YIPF2: variants seen among roughly 807,000 people sequenced by gnomAD.
YIPF2 encodes the protein protein YIPF2.
In YIPF2, 30 loss-of-function variants were observed where a neutral mutation model predicts 38.8. That is an observed-to-expected ratio of 0.77 (90% CI 0.58 to 1.05). The LOEUF (loss-of-function observed/expected upper bound fraction) is 1.05, where lower values mean the gene tolerates loss of function less well. YIPF2 is among the 50% of genes least tolerant of loss of function. The pLI is 0.00. For synonymous variants in YIPF2, 194 were observed against 183.8 expected (o/e 1.06, Z -0.45); for missense variants, 401 against 409.7 (o/e 0.98, Z 0.18).
At chr19:10,928,212 G>A (rs564091963) in intron 2 of YIPF2, among the ~76,000 whole-genome samples, 168 bp downstream of exon 2, 18 of 150,120 alleles carry the variant, frequency 1.2e-4, no homozygotes, top group African/African-American at 3.9e-4. Flanking sequence ...CGGGTTTGAG[G>A]TCTGAGTTCA....
At position 10,922,927 on chromosome 19, in the gene YIPF2, C is replaced by T. The variant is rs1448436394; in HGVS notation, c.*267G>A. 1.0e-5 allele frequency: 2 copies of T among 194,884 alleles called. No homozygotes were observed. The highest frequency in any genetic ancestry group is 4.8e-5 in the African/African-American group (2 of 41,900). 12.1% of individuals were successfully genotyped at this position (194,884 alleles called of 1,614,324 possible). A position where few individuals can be genotyped will look rare whatever the true frequency, so the allele number is the denominator to read the frequency against. On this transcript the variant is annotated 3_prime_UTR_variant, in exon 10 of 10. Coordinates refer to ENST00000586748, the MANE Select transcript of YIPF2 (RefSeq NM_001321439.2). ...GCTCTCCCTCCTGTTCCAGGGGAGC[C>T]ATAGGAGGGAAAGCAGGTGGCCCGG...
Position 10,927,726 on chromosome 19 carries a change from G to T in YIPF2, c.193-10C>A. On this transcript the variant is annotated splice_polypyrimidine_tract_variant and intron_variant, in intron 3 of 9. Coordinates refer to ENST00000586748, the MANE Select transcript of YIPF2 (RefSeq NM_001321439.2). ...GCTGCTCCTGCAGGAGCTGCACATT[G>T]CGGGCATTCAGTGCCTGCCCGGAGA... 1 of 1,613,094 alleles carries T rather than the reference G, an allele frequency of 6.2e-7. No individual in the cohort carries two copies. The highest frequency in any genetic ancestry group is 8.5e-7 in the Non-Finnish European group (1 of 1,179,958).
In YIPF2 at chr19:10,928,516, G is replaced by C; in HGVS notation, c.-36C>G. 1 of 1,296,514 alleles carries C rather than the reference G, an allele frequency of 7.7e-7. No individual in the cohort carries two copies. The highest frequency in any genetic ancestry group is 9.9e-7 in the Non-Finnish European group (1 of 1,005,332). The allele number at this position is 1,296,514 out of a possible 1,614,324, so 80.3% of individuals were successfully genotyped here. On this transcript the variant is annotated 5_prime_UTR_variant, in exon 1 of 10. Coordinates refer to ENST00000586748, the MANE Select transcript of YIPF2 (RefSeq NM_001321439.2). ...CCCTCGGCCCCCAGCCCTACCTGGC[G>C]ACCAACTGCACCCACGGAGGCTTGA...
rs2083461591 is a variant in YIPF2, at chr19:10,928,475, C to G, written c.-30-35G>C. The G allele has an allele frequency of 2.9e-6, 4 of 1,358,528 alleles. No homozygotes were observed. The East Asian group carries it at 1.2e-4, about 42-fold the overall frequency. 84.2% of individuals were successfully genotyped at this position (1,358,528 alleles called of 1,614,324 possible). On this transcript the variant is annotated intron_variant, in intron 1 of 9. Transcript: ENST00000586748. The stretch of plus-strand genomic sequence containing the variant: ...GAGACCGGTCAGGCACACTTCCCCC[C>G]CGCCCCCGAGCCGGTCCCTCGGCCC...
Position 10,923,314 on chromosome 19 carries a change from G to A in YIPF2, c.928C>T (p.Pro310Ser). Reference protein sequence around the residue: ...PSNIALSPTLPQSLAPS With the variant: ...PSNIALSPTLSQSLAPS ...TCCTAGGAGGGGGCCAGGGACTGCGGCAAGGTAGGGGACAGCGCGATGTTT... is the reference window on the plus strand; with the variant it reads ...TCCTAGGAGGGGGCCAGGGACTGCGACAAGGTAGGGGACAGCGCGATGTTT... Residue 310 changes from proline to serine, a missense_variant, in exon 9 of 10, where the codon CCG (proline) becomes TCG (serine). Coordinates refer to ENST00000586748, the MANE Select transcript of YIPF2 (RefSeq NM_001321439.2). 1.2e-6 allele frequency: 2 copies of A among 1,611,864 alleles called. No individual in the cohort carries two copies. Among genetic ancestry groups the A allele is most frequent in the Non-Finnish European group, 1.7e-6 (2 of 1,179,134 alleles).
In YIPF2 at chr19:10,928,547, T is replaced by TC; in HGVS notation, c.-68dup. ...CTGCACCCACGGAGGCTTGAACTCG[T>TC]CGTCCCGTCCCCACAGGTGCGCTCC... On this transcript the variant is annotated 5_prime_UTR_variant, in exon 1 of 10. Transcript: ENST00000586748. 13 of 1,194,178 alleles carry TC rather than the reference T, an allele frequency of 1.1e-5. No individual in the cohort carries two copies. The South Asian group carries it at 2.6e-4, about 24-fold the overall frequency. 74.0% of individuals were successfully genotyped at this position (1,194,178 alleles called of 1,614,324 possible).
At chr19:10,925,409 C>T (rs1398883567) in intron 5 of YIPF2, among the ~76,000 whole-genome samples, 1 of 152,010 alleles carries the variant, frequency 6.6e-6, no homozygotes, top group Non-Finnish European at 1.5e-5. Context: ...CTAGGTCTCC[C>T]CCACCCCTCC....
At chr19:10,925,865 CT>C in intron 4 of YIPF2, 92 bp from the exon 5 acceptor site, 1 of 1,092,530 alleles carries the variant, frequency 9.2e-7, no homozygotes. Flanking sequence ...CCACCCTTCT[CT>C]TTCCATGCCC....
chr19:10,927,611 C>T lies in YIPF2; in HGVS notation c.279+19G>A. On this transcript the variant is annotated intron_variant, in intron 4 of 9. Transcript: ENST00000586748. The stretch of plus-strand genomic sequence containing the variant: ...GAGCATAACTCTGAGCCCCATCCCA[C>T]CTGCCTCCCCAGCCTGACCTGTGAG... The T allele has an allele frequency of 6.2e-7, 1 of 1,612,464 alleles. No individual in the cohort carries two copies.
intron 5 of YIPF2, among the ~76,000 whole-genome samples, chr19:10,924,605 C>T (rs1429720160): frequency 1.3e-5 from 2 of 152,130 alleles, no homozygotes; most frequent in East Asian, 1.9e-4. Flanking sequence ...CTGCAGGCTC[C>T]AGTTCAAGCT....
intron 4 of YIPF2, 122 bp from the exon 5 acceptor site, chr19:10,925,895 C>T (rs1319289187): frequency 2.6e-6 from 2 of 766,244 alleles, no homozygotes; most frequent in Non-Finnish European, 4.0e-6. Flanking sequence ...AGAACTCAGC[C>T]TTTCCCTCTC....
intron 4 of YIPF2, among the ~76,000 whole-genome samples, chr19:10,926,372 G>A (rs1468528895): frequency 2.6e-5 from 4 of 151,622 alleles, no homozygotes; most frequent in Non-Finnish European, 4.4e-5. Context: ...GACTACAGGC[G>A]CCCACCACCA....
In YIPF2 at chr19:10,927,926, G is replaced by T; in HGVS notation, c.65C>A (p.Thr22Asn). 6.2e-7 allele frequency: 1 copy of T among 1,610,232 alleles called. No individual in the cohort carries two copies. The highest frequency in any genetic ancestry group is 8.5e-7 in the Non-Finnish European group (1 of 1,176,970). ...FEEATNLLAD[T>N]PDAATTSRSD... ...TCTGCTGGTGGTGGCTGCATCTGGG[G>T]TGTCAGCCAGAAGATTAGTGGCCTC... The change falls in exon 3 of 10, where the codon ACC becomes AAC. Residue 22 changes from threonine to asparagine, a missense_variant. By Grantham distance (65) the Thr-to-Asn change is moderately conservative (BLOSUM62 0). Coordinates refer to ENST00000586748, the MANE Select transcript of YIPF2 (RefSeq NM_001321439.2).
rs747663909 is a variant in YIPF2 at position 10,927,624 on chromosome 19, C to G, written c.279+6G>C. 3.1e-6 allele frequency: 5 copies of G among 1,613,540 alleles called. No individual in the cohort carries two copies. Among genetic ancestry groups the G allele is most frequent in the Non-Finnish European group, 3.4e-6 (4 of 1,179,830 alleles). On this transcript the variant is annotated splice_donor_region_variant and intron_variant, in intron 4 of 9. Transcript: ENST00000586748. ...AGCCCCATCCCACCTGCCTCCCCAG[C>G]CTGACCTGTGAGGTGTCCACGTCAA...
At chr19:10,928,241 A>T (rs1162234792) in intron 2 of YIPF2, 139 bp downstream of exon 2, 2 of 1,092,620 alleles carry the variant, frequency 1.8e-6, no homozygotes, top group Non-Finnish European at 2.5e-6. Context: ...GCGGGGTTCG[A>T]GTCAGAGATG....
Position 10,923,185 on chromosome 19 carries a change from G to T in YIPF2, c.*20-11C>A, listed in dbSNP as rs1568360768. ...CCACTTAGGTGTTGCCTGAAAGAAA[G>T]AATTGTCTGGGAGTGGCCCCAGAAC... On this transcript the variant is annotated splice_polypyrimidine_tract_variant and intron_variant, in intron 9 of 9. Coordinates refer to ENST00000586748, the MANE Select transcript of YIPF2 (RefSeq NM_001321439.2). 9 of 1,201,528 alleles carry T rather than the reference G, an allele frequency of 7.5e-6. No homozygotes were observed. The highest frequency in any genetic ancestry group is 1.0e-5 in the Non-Finnish European group (9 of 862,756). 74.4% of individuals were successfully genotyped at this position (1,201,528 alleles called of 1,614,324 possible). A position where few individuals can be genotyped will look rare whatever the true frequency, so the allele number is the denominator to read the frequency against.
chr19:10,925,905 CTTTTT>C (rs1164644174), intron 4 of YIPF2, 132 bp from the exon 5 acceptor site: 644 of 432,762 alleles, frequency 1.5e-3, no homozygotes, highest in East Asian at 1.8e-3. Flanking sequence ...CTTTCCCTCT[CTTTTT>C]TTTTTTTTTT....
At chr19:10,925,846 T>A in intron 4 of YIPF2, 73 bp from the exon 5 acceptor site, 1 of 1,441,256 alleles carries the variant, frequency 6.9e-7, no homozygotes, top group Non-Finnish European at 9.5e-7. Flanking sequence ...GCTCCTTCCC[T>A]GCTGACCTCC....
At chr19:10,927,031 G>A (rs898747848) in intron 4 of YIPF2, among the ~76,000 whole-genome samples, 3 of 151,580 alleles carry the variant, frequency 2.0e-5, no homozygotes, top group Admixed American at 6.6e-5. Context: ...CACAAAGCCC[G>A]GCTAATTTTG....
Sources: gnomAD v4.1 joint callset for allele counts (sites outside exome capture counted in the v4.1 genomes callset) on GRCh38, gnomAD v4.1.1 for gene constraint, MANE v1.5 for transcripts, NCBI Gene and HGNC (gene_info 2026-07-23, HGNC 2026-07-21) for gene names.